Variants in CSMD3 observed in about 807,000 individuals in gnomAD.
CSMD3 encodes CUB and sushi domain-containing protein 3.
In CSMD3, 177 loss-of-function variants were observed where a neutral mutation model predicts 435.2. The observed-to-expected ratio is 0.41, with a 90% confidence interval of 0.36 to 0.46. The LOEUF (loss-of-function observed/expected upper bound fraction) is 0.46, where lower values mean the gene tolerates loss of function less well. Among genes scored for constraint, CSMD3 ranks in the 20% least tolerant of loss-of-function variants. CSMD3 has a pLI of 0.34. For synonymous variants in CSMD3, 1,656 were observed against 1,520.5 expected (o/e 1.09, Z -2.07); for missense variants, 4,265 against 4,504.6 (o/e 0.95, Z 1.52).
At chr8:112,421,192 AG>A (rs1237114363) in intron 32 of CSMD3, among the ~76,000 whole-genome samples, 1 of 152,030 alleles carries the variant, frequency 6.6e-6, no homozygotes, top group Non-Finnish European at 1.5e-5. Flanking sequence ...TTTTAACAGA[AG>A]GAATTCCAAG....
At chr8:113,225,876 T>C (rs2093022126) in intron 3 of CSMD3, among the ~76,000 whole-genome samples, 1 of 151,478 alleles carries the variant, frequency 6.6e-6, no homozygotes, top group African/African-American at 2.4e-5. Context: ...TAATCCCCAC[T>C]TGTTGAAGAA....
chr8:113,390,742 G>T (rs1202449572), intron 1 of CSMD3, among the ~76,000 whole-genome samples: 1 of 151,846 alleles, frequency 6.6e-6, no homozygotes, highest in Non-Finnish European at 1.5e-5. Flanking sequence ...ACTAAATGAA[G>T]GAATGAATGA....
intron 10 of CSMD3, among the ~76,000 whole-genome samples, chr8:112,904,853 A>G (rs1046417814): frequency 5.9e-5 from 9 of 151,374 alleles, no homozygotes; most frequent in African/African-American, 2.2e-4. Flanking sequence ...ACAATATAAA[A>G]ACCAAAGGAA....
At chr8:112,500,189 TA>T (rs375559391) in intron 30 of CSMD3, among the ~76,000 whole-genome samples, 44 of 151,216 alleles carry the variant, frequency 2.9e-4, no homozygotes, top group African/African-American at 1.0e-3. Context: ...ACAGAGGAAA[TA>T]ACATAGATAA....
intron 15 of CSMD3, 114 bp downstream of exon 15, chr8:112,685,292 A>C: frequency 1.3e-6 from 1 of 797,716 alleles, no homozygotes; most frequent in Non-Finnish European, 2.0e-6. Flanking sequence ...TGAGATTTAC[A>C]GCTTTTACAA....
intron 32 of CSMD3, 45 bp from the exon 33 acceptor site, chr8:112,409,077 C>CA: frequency 6.2e-7 from 1 of 1,611,142 alleles, no homozygotes; most frequent in Non-Finnish European, 8.5e-7. Flanking sequence ...ACCAACCATC[C>CA]AAAAACGAAA....
intron 3 of CSMD3, among the ~76,000 whole-genome samples, chr8:113,201,660 C>T (rs1222085878): frequency 6.6e-6 from 1 of 151,888 alleles, no homozygotes; most frequent in Non-Finnish European, 1.5e-5. Context: ...TCAACTTTGG[C>T]TATTACTACA....
chr8:113,096,088 C>A (rs188160701), intron 5 of CSMD3, among the ~76,000 whole-genome samples: 8 of 152,190 alleles, frequency 5.3e-5, no homozygotes, highest in Non-Finnish European at 1.0e-4. Context: ...GGAATAATTA[C>A]TTCCACTTTG....
chr8:113,301,278 CTT>C (rs1040874633), intron 2 of CSMD3, among the ~76,000 whole-genome samples: 6 of 151,500 alleles, frequency 4.0e-5, no homozygotes, highest in East Asian at 3.9e-4. Context: ...ATGTTACAGA[CTT>C]ATATATTATT....
intron 23 of CSMD3, among the ~76,000 whole-genome samples, chr8:112,581,498 T>A (rs1191486859): frequency 6.6e-6 from 1 of 152,074 alleles, no homozygotes; most frequent in Admixed American, 6.6e-5. Flanking sequence ...CTATGTTTTA[T>A]AAAAATATAT....
At chr8:112,390,181 G>A (rs1023251121) in intron 36 of CSMD3, among the ~76,000 whole-genome samples, 1 of 152,204 alleles carries the variant, frequency 6.6e-6, no homozygotes, top group Non-Finnish European at 1.5e-5. Context: ...TCTGCTGGCA[G>A]GTTTCCTGAA....
intron 3 of CSMD3, among the ~76,000 whole-genome samples, chr8:113,235,326 A>C (rs1466728565): frequency 6.6e-6 from 1 of 152,068 alleles, no homozygotes; most frequent in African/African-American, 2.4e-5. Context: ...GTTCTGCATT[A>C]CTGCTCTCTC....
intron 1 of CSMD3, among the ~76,000 whole-genome samples, chr8:113,412,945 A>C (rs2094565870): frequency 6.6e-6 from 1 of 152,156 alleles, no homozygotes; most frequent in Non-Finnish European, 1.5e-5. Context: ...GAGTAATCAC[A>C]AATACGAGTG....
chr8:112,915,939 G>A (rs2082559300), intron 10 of CSMD3, among the ~76,000 whole-genome samples: 1 of 151,848 alleles, frequency 6.6e-6, no homozygotes, highest in South Asian at 2.1e-4. Context: ...CAATACAGAA[G>A]CAGTCAATAT....
At position 113,385,868 on chromosome 8, in the gene CSMD3, G is replaced by C. The variant is rs1419204533; in HGVS notation, c.178+50809C>G. Among the ~76,000 whole-genome samples, 3 of 151,950 alleles carry C rather than the reference G, an allele frequency of 2.0e-5. No individual in the cohort carries two copies. The East Asian group carries it at 5.8e-4, about 29-fold the overall frequency. Reference sequence around the variant, plus strand: ...TGCTATCACATTGTGGTTTTAATTTGCTTTTTATTAAAATTCAATTGAACA... The same window carrying C: ...TGCTATCACATTGTGGTTTTAATTTCCTTTTTATTAAAATTCAATTGAACA... On this transcript the variant is annotated intron_variant, in intron 1 of 70. Transcript: ENST00000297405.
intron 3 of CSMD3, among the ~76,000 whole-genome samples, chr8:113,273,437 A>G (rs142706124): frequency 1.5e-3 from 235 of 152,206 alleles, no homozygotes; most frequent in African/African-American, 5.5e-3. Flanking sequence ...GAAATAAACA[A>G]TTCATAGGTT....
chr8:112,787,183 G>A (rs1359972591), intron 13 of CSMD3, among the ~76,000 whole-genome samples: 1 of 152,216 alleles, frequency 6.6e-6, no homozygotes, highest in East Asian at 1.9e-4. Context: ...GAATAGTGTT[G>A]CAAGAAACAT....
rs1282038565 is a variant in CSMD3, at chr8:112,740,104, A to G, written c.1973-50054T>C. Among the ~76,000 whole-genome samples the G allele has an allele frequency of 5.9e-5, 9 of 151,836 alleles. No individual in the cohort carries two copies. In the Admixed American group the frequency reaches 5.9e-4, roughly 10 times the overall value. On this transcript the variant is annotated intron_variant, in intron 13 of 70. Coordinates refer to ENST00000297405, the MANE Select transcript of CSMD3 (RefSeq NM_198123.2). ...TTGGGCATTTCCAAAATATCTGTAT[A>G]CAAATATTTTGAATTTTAAAAAATT... is the stretch of plus-strand genomic sequence containing the variant.
chr8:113,003,424 T>A (rs370201872), intron 6 of CSMD3, among the ~76,000 whole-genome samples: 1 of 152,064 alleles, frequency 6.6e-6, no homozygotes, highest in African/African-American at 2.4e-5. Flanking sequence ...ACTTTCCATG[T>A]TAGGATTTTC....
Sources: gnomAD v4.1 joint callset for allele counts (sites outside exome capture counted in the v4.1 genomes callset) on GRCh38, gnomAD v4.1.1 for gene constraint, MANE v1.5 for transcripts, NCBI Gene and HGNC (gene_info 2026-07-23, HGNC 2026-07-21) for gene names.